Variants in ANAPC10 observed in about 807,000 individuals in gnomAD.
ANAPC10 encodes the protein anaphase promoting complex subunit 10, also known as anaphase-promoting complex subunit 10.
A neutral mutation model predicts 22.0 loss-of-function variants in ANAPC10; 12 were observed. That is an observed-to-expected ratio of 0.55 (90% CI 0.35 to 0.88). The LOEUF (loss-of-function observed/expected upper bound fraction) is 0.88. ANAPC10 is among the 40% of genes least tolerant of loss of function. ANAPC10 has a pLI of 0.01. For missense variants in ANAPC10, 188 were observed against 220.9 expected, an observed-to-expected ratio of 0.85 and a Z score of 0.94; for synonymous variants, 65 against 69.5, an observed-to-expected ratio of 0.94 and a Z score of 0.32.
intron 4 of ANAPC10, among the ~76,000 whole-genome samples, chr4:145,009,219 G>C (rs1190454997): frequency 1.3e-5 from 2 of 152,054 alleles, no homozygotes; most frequent in Non-Finnish European, 2.9e-5. Flanking sequence ...CATGCTCATG[G>C]ATAGGAAGAA....
intron 3 of ANAPC10, among the ~76,000 whole-genome samples, chr4:145,065,232 A>C (rs545987980): frequency 6.6e-6 from 1 of 151,958 alleles, no homozygotes; most frequent in East Asian, 1.9e-4. Flanking sequence ...TTCTTTTGCT[A>C]TTGATTTTAA....
At chr4:145,056,115 C>T (rs1372641137) in intron 4 of ANAPC10, among the ~76,000 whole-genome samples, 1 of 152,142 alleles carries the variant, frequency 6.6e-6, no homozygotes, top group Non-Finnish European at 1.5e-5. Context: ...ATTTACTGGG[C>T]TGCATTCCCA....
chr4:145,090,786 A>T (rs745472572), intron 2 of ANAPC10, among the ~76,000 whole-genome samples: 3 of 152,228 alleles, frequency 2.0e-5, no homozygotes, highest in Non-Finnish European at 2.9e-5. Flanking sequence ...ACTAAATAAA[A>T]GTTATTAATT....
chr4:145,012,195 T>C (rs148628024), intron 4 of ANAPC10, among the ~76,000 whole-genome samples: 8,962 of 146,984 alleles, frequency 0.061, 389 homozygotes, highest in South Asian at 0.17. Flanking sequence ...TATATATATA[T>C]ACACACACAC....
At position 145,067,768 on chromosome 4, in the gene ANAPC10, T is replaced by C. The variant is rs189097078; in HGVS notation, c.207-3076A>G. Among the ~76,000 whole-genome samples the C allele has an allele frequency of 2.8e-3, 423 of 152,318 alleles. 1 individual carries two copies. Among genetic ancestry groups the C allele is most frequent in the Non-Finnish European group, 4.3e-3 (292 of 68,026 alleles). On this transcript the variant is annotated intron_variant, in intron 3 of 4. Transcript: ENST00000507656. ...TCTGATTGAAGACATTAGTGACATA[T>C]TCCTAGTTGCCTAACCTAAAATCCC...
At chr4:145,084,782 T>C (rs1034612283) in intron 2 of ANAPC10, among the ~76,000 whole-genome samples, 1 of 152,202 alleles carries the variant, frequency 6.6e-6, no homozygotes, top group Admixed American at 6.5e-5. Context: ...TGAGATGTGC[T>C]GTAAGTGTTA....
chr4:145,008,332 T>C (rs1733750441), intron 4 of ANAPC10, among the ~76,000 whole-genome samples: 1 of 152,196 alleles, frequency 6.6e-6, no homozygotes, highest in Admixed American at 6.5e-5. Flanking sequence ...CCTACCTCAT[T>C]TGATGAGGTC....
chr4:145,074,466 T>C (rs998489932), intron 3 of ANAPC10, among the ~76,000 whole-genome samples: 2 of 152,160 alleles, frequency 1.3e-5, no homozygotes, highest in Non-Finnish European at 2.9e-5. Context: ...CCAAGAAATA[T>C]GAAAATTTTC....
chr4:145,064,738 A>C (rs1312826438), intron 3 of ANAPC10, 46 bp from the exon 4 acceptor site: 1 of 1,436,844 alleles, frequency 7.0e-7, no homozygotes, highest in African/African-American at 1.4e-5. Flanking sequence ...TCATATGAAA[A>C]GATTTCCAAT....
At position 145,096,119 on chromosome 4, in the gene ANAPC10, G is replaced by C; in HGVS notation, c.-12-8C>G. On this transcript the variant is annotated splice_region_variant and splice_polypyrimidine_tract_variant and intron_variant, in intron 1 of 4. Transcript: ENST00000507656. ...AGTCATTTTTAAAATATTCTATGTA[G>C]AAAACAAGAATGCACACATTGTATC... 1 of 1,610,604 alleles carries C rather than the reference G, an allele frequency of 6.2e-7. No individual in the cohort carries two copies. The highest frequency in any genetic ancestry group is 1.3e-5 in the African/African-American group (1 of 74,704).
chr4:145,078,075 T>C (rs1423472486), intron 3 of ANAPC10, among the ~76,000 whole-genome samples: 2 of 152,064 alleles, frequency 1.3e-5, no homozygotes, highest in Non-Finnish European at 2.9e-5. Flanking sequence ...AGAGAGGAAG[T>C]CAAACTATCT....
chr4:145,068,432 T>C (rs1452338959), intron 3 of ANAPC10, among the ~76,000 whole-genome samples: 1 of 152,238 alleles, frequency 6.6e-6, no homozygotes, highest in East Asian at 1.9e-4. Flanking sequence ...ACGATAGCTT[T>C]ACATTTAAAG....
chr4:145,026,705 A>T (rs1040654646), intron 4 of ANAPC10, among the ~76,000 whole-genome samples: 1 of 150,416 alleles, frequency 6.6e-6, no homozygotes, highest in African/African-American at 2.4e-5. Flanking sequence ...AATTGAAAGC[A>T]GCAAGCAAAC....
chr4:145,058,282 T>G (rs1045181962), intron 4 of ANAPC10, among the ~76,000 whole-genome samples: 2 of 152,202 alleles, frequency 1.3e-5, no homozygotes, highest in African/African-American at 4.8e-5. Context: ...CATACCTTTA[T>G]GTACATCATG....
At position 145,051,638 on chromosome 4, in the gene ANAPC10, A is replaced by G. The variant is rs183195842; in HGVS notation, c.327+12934T>C. Among the ~76,000 whole-genome samples the G allele has an allele frequency of 2.6e-4, 39 of 152,270 alleles. 1 individual carries two copies. In the East Asian group the frequency reaches 7.0e-3, roughly 27 times the overall value. ...TGGATGCAGTAATTTTTAAAGAACT[A>G]TTCTTTTTTTTCATGAATCTCAAAG... On this transcript the variant is annotated intron_variant, in intron 4 of 4. Coordinates refer to ENST00000507656, the MANE Select transcript of ANAPC10 (RefSeq NM_001256706.2).
At chr4:145,097,018 C>G (rs930597775) in intron 1 of ANAPC10, among the ~76,000 whole-genome samples, 1 of 152,022 alleles carries the variant, frequency 6.6e-6, no homozygotes, top group African/African-American at 2.4e-5. Context: ...CGAGACCAGC[C>G]TGGAATATGG....
intron 4 of ANAPC10, among the ~76,000 whole-genome samples, chr4:145,007,933 C>A (rs375508323): frequency 2.1e-4 from 31 of 149,668 alleles, no homozygotes; most frequent in African/African-American, 7.1e-4. Context: ...ATTGATAGAC[C>A]GCTAGCAAGA....
chr4:145,049,661 C>G (rs1343357499), intron 4 of ANAPC10, among the ~76,000 whole-genome samples: 1 of 152,054 alleles, frequency 6.6e-6, no homozygotes, highest in African/African-American at 2.4e-5. Context: ...CTCACTGGAA[C>G]CGCCGCCACC....
Position 145,064,618 on chromosome 4 carries a change from A to G in ANAPC10, c.281T>C (p.Ile94Thr). 6.2e-7 allele frequency: 1 copy of G among 1,609,162 alleles called. No homozygotes were observed. Among genetic ancestry groups the G allele is most frequent in the Non-Finnish European group, 8.5e-7 (1 of 1,177,388 alleles). Residue 94 changes from isoleucine (I) to threonine (T), a missense_variant, in exon 4 of 5, where the codon ATC becomes ACC. Coordinates refer to ENST00000507656, the MANE Select transcript of ANAPC10 (RefSeq NM_001256706.2). ...AAAATTATTTCCTACTCTGACTGAG[A>G]TCTTGCTTGGAGTATAGCTTTCATC... ...KSDESYTPSK[I>T]SVRVGNNFHN...
Sources: gnomAD v4.1 joint callset for allele counts (sites outside exome capture counted in the v4.1 genomes callset) on GRCh38, gnomAD v4.1.1 for gene constraint, MANE v1.5 for transcripts, NCBI Gene and HGNC (gene_info 2026-07-23, HGNC 2026-07-21) for gene names.